SGCD: variants seen among roughly 807,000 people sequenced by gnomAD.
The protein encoded by SGCD is delta-sarcoglycan.
A neutral mutation model predicts 36.6 loss-of-function variants in SGCD; 18 were observed. The observed-to-expected ratio is 0.49, with a 90% confidence interval of 0.34 to 0.73. The LOEUF (loss-of-function observed/expected upper bound fraction) is 0.73. SGCD is among the 30% of genes least tolerant of loss of function. The probability of loss-of-function intolerance (pLI) is 0.01; values close to 1 mark genes in which losing one functional copy is unlikely to be tolerated. For synonymous variants in SGCD, 133 were observed against 130.6 expected, an observed-to-expected ratio of 1.02 and a Z score of -0.12; for missense variants, 387 against 346.7, an observed-to-expected ratio of 1.12 and a Z score of -0.92.
At chr5:156,657,819 CG>C (rs1316762612) in intron 7 of SGCD, among the ~76,000 whole-genome samples, 11 of 137,260 alleles carry the variant, frequency 8.0e-5, no homozygotes, top group Non-Finnish European at 1.6e-5. Flanking sequence ...TAAGGGGACC[CG>C]GGGAACCAGC....
intron 6 of SGCD, among the ~76,000 whole-genome samples, chr5:156,602,386 A>G (rs1761233841): frequency 1.3e-5 from 2 of 151,974 alleles, no homozygotes; most frequent in Admixed American, 1.3e-4. Context: ...CATATGTTAT[A>G]TATAAAATCT....
intron 1 of SGCD, among the ~76,000 whole-genome samples, chr5:156,055,876 C>T (rs142879176): frequency 6.8e-6 from 1 of 146,088 alleles, no homozygotes; most frequent in Non-Finnish European, 1.5e-5. Flanking sequence ...GTATTACATG[C>T]TTAGTGGAAT....
rs1354069548 is a variant in SGCD, at chr5:156,153,712, G to A, written c.-44+29693G>A. 2.6e-5 allele frequency among the ~76,000 whole-genome samples: 4 copies of A among 151,544 alleles called. 1 individual carries two copies. Among genetic ancestry groups the A allele is most frequent in the African/African-American group, 7.3e-5 (3 of 40,862 alleles). ...TAGAAATAGTGTTTGTCAGATCTGG[G>A]GGAAGACTCTAGGGTGATGGTCCTT... On this transcript the variant is annotated intron_variant, in intron 3 of 9. Coordinates refer to the SGCD transcript ENST00000517913.
At position 156,002,588 on chromosome 5, in the gene SGCD, C is replaced by T. The variant is rs115008312; in HGVS notation, c.-281-115290C>T. On this transcript the variant is annotated intron_variant, in intron 1 of 9. Transcript: ENST00000517913. ...TTGGCTTTTCTCATCTGTCAGATGC[C>T]AGCCTATCCAGAATATGCCCTGCTT... Among the ~76,000 whole-genome samples, 897 of 152,280 alleles carry T rather than the reference C, an allele frequency of 5.9e-3. 14 individuals carry two copies. The highest frequency in any genetic ancestry group is 0.02 in the African/African-American group (839 of 41,560).
intron 1 of SGCD, among the ~76,000 whole-genome samples, chr5:156,008,224 T>A (rs573283230): frequency 1.3e-5 from 2 of 152,332 alleles, no homozygotes; most frequent in African/African-American, 4.8e-5. Flanking sequence ...AGGGTTATGC[T>A]GCTCCTGAAA....
chr5:156,568,479 C>G (rs529076832), intron 4 of SGCD, among the ~76,000 whole-genome samples: 1 of 152,160 alleles, frequency 6.6e-6, no homozygotes, highest in South Asian at 2.1e-4. Flanking sequence ...AGAATGTAAC[C>G]GACGGCCATA....
intron 3 of SGCD, among the ~76,000 whole-genome samples, chr5:156,437,385 C>T (rs955442687): frequency 6.6e-6 from 1 of 152,028 alleles, no homozygotes; most frequent in Non-Finnish European, 1.5e-5. Flanking sequence ...AAGATGTTAT[C>T]CTAGAGTCAT....
At chr5:156,525,186 C>T (rs888089710) in intron 4 of SGCD, among the ~76,000 whole-genome samples, 1 of 152,046 alleles carries the variant, frequency 6.6e-6, no homozygotes, top group African/African-American at 2.4e-5. Context: ...TACATTTCAA[C>T]CAACAATACA....
chr5:155,823,692 C>G, the SGCD span, among the ~76,000 whole-genome samples: 1 of 152,208 alleles, frequency 6.6e-6, no homozygotes, highest in South Asian at 2.1e-4. Flanking sequence ...AGAACAGCTT[C>G]TGGTGACTAG....
rs181708261 is a variant in SGCD, at chr5:156,081,820, A to G, written c.-281-36058A>G. Among the ~76,000 whole-genome samples the G allele has an allele frequency of 6.6e-5, 10 of 152,342 alleles. No homozygotes were observed. In the East Asian group the frequency reaches 1.9e-3, roughly 29 times the overall value. ...AGGAAGAATAATAAGGAGAAAAATC[A>G]TACAAATTTATTAATGTGCACGGAG... On this transcript the variant is annotated intron_variant, in intron 1 of 9. Coordinates refer to the SGCD transcript ENST00000517913.
chr5:156,004,369 T>C (rs1038372927), intron 1 of SGCD, among the ~76,000 whole-genome samples: 1 of 152,220 alleles, frequency 6.6e-6, no homozygotes, highest in African/African-American at 2.4e-5. Context: ...TTTCCACTAT[T>C]ATTAATGATA....
intron 1 of SGCD, among the ~76,000 whole-genome samples, chr5:156,091,013 G>A (rs1182669564): frequency 1.3e-5 from 2 of 152,086 alleles, no homozygotes; most frequent in Non-Finnish European, 2.9e-5. Flanking sequence ...TTGTTTGATT[G>A]TTCAAACACA....
At chr5:156,023,056 A>G (rs1302746600) in intron 1 of SGCD, among the ~76,000 whole-genome samples, 1 of 152,254 alleles carries the variant, frequency 6.6e-6, no homozygotes, top group African/African-American at 2.4e-5. Flanking sequence ...AATTTGCATT[A>G]TAACTCCATG....
chr5:156,615,679 G>T (rs546419609), intron 6 of SGCD, among the ~76,000 whole-genome samples: 1 of 152,296 alleles, frequency 6.6e-6, no homozygotes, highest in East Asian at 1.9e-4. Flanking sequence ...CAAATACACT[G>T]TGATGATTAC....
In SGCD at chr5:156,589,251, G is replaced by C. The variant is rs1760622985; in HGVS notation, c.315G>C (p.Lys105Asn). Residue 105 changes from lysine to asparagine, a missense_variant, in exon 5 of 9, where the codon AAG becomes AAC. By Grantham distance (94) the Lys-to-Asn change is moderately conservative. Transcript: ENST00000337851. ...QSRPGNALYF[K>N]SARNVTVNIL... ...TGCAGGGTAATGCCCTGTACTTCAA[G>C]TCTGCCAGAAATGTTACAGTGAACA... 6.4e-7 allele frequency: 1 copy of C among 1,570,750 alleles called. No homozygotes were observed. The highest frequency in any genetic ancestry group is 8.7e-7 in the Non-Finnish European group (1 of 1,155,732).
intron 4 of SGCD, among the ~76,000 whole-genome samples, chr5:156,587,558 G>A (rs1760543918): frequency 6.6e-6 from 1 of 152,182 alleles, no homozygotes; most frequent in African/African-American, 2.4e-5. Context: ...AAAGCCACCT[G>A]GGGATGGGTG....
chr5:156,423,190 T>TGTA (rs1198066358), intron 3 of SGCD, among the ~76,000 whole-genome samples: 38 of 118,610 alleles, frequency 3.2e-4, no homozygotes, highest in African/African-American at 1.3e-3. Context: ...AATTATATAA[T>TGTA]ATAATATTAT....
At chr5:156,418,016 CA>C (rs1773132205) in intron 3 of SGCD, among the ~76,000 whole-genome samples, 1 of 152,050 alleles carries the variant, frequency 6.6e-6, no homozygotes, top group Admixed American at 6.6e-5. Context: ...TCTTGTCAAC[CA>C]TAAAAGGTAT....
chr5:155,990,605 A>C (rs1339575218), intron 1 of SGCD, among the ~76,000 whole-genome samples: 1 of 152,160 alleles, frequency 6.6e-6, no homozygotes, highest in East Asian at 1.9e-4. Context: ...CTAGTCATAT[A>C]AAATATTTGA....
Sources: gnomAD v4.1 joint callset for allele counts (sites outside exome capture counted in the v4.1 genomes callset) on GRCh38, gnomAD v4.1.1 for gene constraint, MANE v1.5 for transcripts, NCBI Gene and HGNC (gene_info 2026-07-23, HGNC 2026-07-21) for gene names.